The following BCS1L variants were observed in gnomAD, a reference collection of about 807,000 sequenced individuals.
BCS1L encodes the protein BCS1 ubiquinol-cytochrome c reductase complex chaperone.
A neutral mutation model predicts 49.3 loss-of-function variants in BCS1L; 38 were observed. The observed-to-expected ratio is 0.77, with a 90% confidence interval of 0.59 to 1.01. BCS1L has a LOEUF of 1.01. Among genes scored for constraint, BCS1L ranks in the 50% least tolerant of loss-of-function variants. The pLI, the probability that BCS1L is intolerant of heterozygous loss-of-function variation, is 0.00. For missense variants in BCS1L, 394 were observed against 540.2 expected, an observed-to-expected ratio of 0.73 and a Z score of 2.68; for synonymous variants, 193 against 210.1, an observed-to-expected ratio of 0.92 and a Z score of 0.70.
In BCS1L at chr2:218,661,438, G is replaced by T; in HGVS notation, c.353G>T (p.Ser118Ile). ...YRGKWIRVER[S>I]REMQMIDLQT... The stretch of plus-strand genomic sequence containing the variant: ...GGGAAATGGATTCGGGTAGAACGAA[G>T]TCGAGAGATGCAGATGATAGACTTG... The change falls in exon 3 of 8, where the codon AGT becomes ATT. Residue 118 changes from serine to isoleucine, a missense_variant. Transcript: ENST00000359273. The surrounding 1 kb of genome is among the most constrained non-coding windows in gnomAD (Gnocchi z 5.9). 6.2e-7 allele frequency: 1 copy of T among 1,614,242 alleles called. No homozygotes were observed. The highest frequency in any genetic ancestry group is 8.5e-7 in the Non-Finnish European group (1 of 1,180,048).
At position 218,662,383 on chromosome 2, in the gene BCS1L, G is replaced by A; in HGVS notation, c.719+123G>A. The A allele has an allele frequency of 1.3e-6, 2 of 1,482,846 alleles. No individual in the cohort carries two copies. The highest frequency in any genetic ancestry group is 1.9e-6 in the Non-Finnish European group (2 of 1,064,134). The allele number at this position is 1,482,846 out of a possible 1,614,324, so 91.9% of individuals were successfully genotyped here. ...GACCAGGATAAACATGAAACGTGTG[G>A]AACATCAGGGTGTGAGGTAGAAGTC... On this transcript the variant is annotated intron_variant, in intron 5 of 7. Transcript: ENST00000359273. The surrounding 1 kb of genome is among the most constrained non-coding windows in gnomAD (Gnocchi z 5.8).
rs749196764 is a variant in BCS1L, at chr2:218,661,232, C to A, written c.245C>A (p.Ser82Ter). 1 of 1,614,226 alleles carries A rather than the reference C, an allele frequency of 6.2e-7. No homozygotes were observed. The change falls in exon 2 of 8, where the codon TCG (serine) becomes TAG (stop). Residue 82 changes from serine (S) to a stop codon, truncating the protein, a stop_gained. Transcript: ENST00000359273. LOFTEE classifies it high-confidence loss of function. This position sits in a 1 kb window ranked among gnomAD's most constrained non-coding sequence, Gnocchi z 5.9. ...TRTQHLSVET[S>*]YLQHESGRIS... ...ACTCAGCACCTCAGTGTCGAGACTTCGTACCTTCAGCATGAGAGTGGCCGC... is the reference window on the plus strand; with the variant it reads ...ACTCAGCACCTCAGTGTCGAGACTTAGTACCTTCAGCATGAGAGTGGCCGC...
chr2:218,660,119 G>T (rs1939180409), intron 1 of BCS1L: 1 of 152,296 alleles, frequency 6.6e-6, no homozygotes, highest in South Asian at 2.1e-4. Context: ...AGGGAGAAAA[G>T]AACGGGCATT....
At position 218,660,950 on chromosome 2, in the gene BCS1L, A is replaced by AC. The variant is rs751940444; in HGVS notation, c.-34dup. 1.2e-6 allele frequency: 2 copies of AC among 1,610,054 alleles called. No individual in the cohort carries two copies. The highest frequency in any genetic ancestry group is 1.7e-6 in the Non-Finnish European group (2 of 1,178,294). ...TTCCCCACCCCTAGGTTTTCGTAACACCCCAGGGCCTGTAAGGTTTGGTGT... is the reference window on the plus strand; with the variant it reads ...TTCCCCACCCCTAGGTTTTCGTAACACCCCCAGGGCCTGTAAGGTTTGGTGT... On this transcript the variant is annotated 5_prime_UTR_variant, in exon 2 of 8. Coordinates refer to ENST00000359273, the MANE Select transcript of BCS1L (RefSeq NM_001079866.2).
chr2:218,662,959 C>A lies in BCS1L; in HGVS notation c.966C>A (p.Thr322=). ...ATGCCTTGGATGGTGTGGCTTCCAC[C>A]GAGGCCCGCATCGTGTTCATGACCA... The part of the protein sequence containing the change: ...LLNALDGVAS[T]EARIVFMTTN... The change falls in exon 7 of 8, where the codon ACC becomes ACA. Residue 322 remains threonine (T), a synonymous_variant. Transcript: ENST00000359273. The surrounding 1 kb of genome is among the most constrained non-coding windows in gnomAD (Gnocchi z 5.8). The A allele has an allele frequency of 3.1e-6, 5 of 1,614,060 alleles. No individual in the cohort carries two copies. Among genetic ancestry groups the A allele is most frequent in the Non-Finnish European group, 4.2e-6 (5 of 1,180,008 alleles).
chr2:218,663,023 G>A (rs1243772522), intron 7 of BCS1L, 23 bp downstream of exon 7: 2 of 1,613,952 alleles, frequency 1.2e-6, no homozygotes, highest in Admixed American at 3.3e-5. Flanking sequence ...CAGGCATCCT[G>A]AGACTTAGGC....
rs375876694 is a variant in BCS1L at position 218,661,816 on chromosome 2, G to A, written c.518G>A (p.Gly173Asp). 6.4e-5 allele frequency: 103 copies of A among 1,614,082 alleles called. No individual in the cohort carries two copies. The highest frequency in any genetic ancestry group is 8.6e-5 in the Non-Finnish European group (101 of 1,180,014). The change falls in exon 4 of 8, where the codon GGC (glycine) becomes GAC (aspartate). Residue 173 changes from glycine (G) to aspartate (D), a missense_variant. Physicochemically the swap from Gly to Asp is moderately conservative, Grantham distance 94 (BLOSUM62 -1). Coordinates refer to ENST00000359273, the MANE Select transcript of BCS1L (RefSeq NM_001079866.2). This position sits in a 1 kb window ranked among gnomAD's most constrained non-coding sequence, Gnocchi z 5.9. ...AAGACCGTGATGTACACAGCTGTGG[G>A]CTCTGAATGGCGTCCCTTTGGCTAT... ...EGKTVMYTAV[G>D]SEWRPFGYPR... is the part of the protein sequence containing the mutation.
In BCS1L at chr2:218,662,010, G is replaced by C. The variant is rs1203279852; in HGVS notation, c.655+57G>C. On this transcript the variant is annotated intron_variant, in intron 4 of 7. Transcript: ENST00000359273. This position sits in a 1 kb window ranked among gnomAD's most constrained non-coding sequence, Gnocchi z 5.8. ...TTTTTGACATTTTTAGAAGGGACAG[G>C]TTGGTCTCCAGCCAGATGGGGTGAT... The C allele has an allele frequency of 2.5e-6, 4 of 1,582,860 alleles. No individual in the cohort carries two copies. The highest frequency in any genetic ancestry group is 2.6e-6 in the Non-Finnish European group (3 of 1,154,828).
intron 1 of BCS1L, chr2:218,660,736 T>C (rs1434156275): frequency 3.9e-6 from 2 of 514,072 alleles, no homozygotes; most frequent in East Asian, 6.7e-5. Flanking sequence ...CATGGTCCTC[T>C]GGTAGGAAAC....
At chr2:218,660,698 G>A (rs1939273387) in intron 1 of BCS1L, 1 of 417,920 alleles carries the variant, frequency 2.4e-6, no homozygotes, top group East Asian at 4.6e-5. Flanking sequence ...TGTTTATATA[G>A]CTCTTTTTGG....
Position 218,662,659 on chromosome 2 carries a change from G to A in BCS1L, c.869G>A (p.Ser290Asn), listed in dbSNP as rs1400743368. The change falls in exon 6 of 8, where the codon AGT becomes AAT. Residue 290 changes from serine (S) to asparagine (N), a missense_variant. Physicochemically the swap from Ser to Asn is conservative, Grantham distance 46. Transcript: ENST00000359273. This position sits in a 1 kb window ranked among gnomAD's most constrained non-coding sequence, Gnocchi z 5.8. ...GAGGATGTGGATGCTGCTTTTCTCA[G>A]TCGAGACTTGGCTGTGGAGAGTAAG... Reference protein sequence around the residue: ...LLEDVDAAFLSRDLAVENPVK... With the variant: ...LLEDVDAAFLNRDLAVENPVK... The A allele has an allele frequency of 1.5e-5, 25 of 1,614,046 alleles. 1 individual carries two copies. The East Asian group carries it at 5.6e-4, about 36-fold the overall frequency.
In BCS1L at chr2:218,661,566, G is replaced by A; in HGVS notation, c.460+21G>A. On this transcript the variant is annotated intron_variant, in intron 3 of 7. Coordinates refer to ENST00000359273, the MANE Select transcript of BCS1L (RefSeq NM_001079866.2). The surrounding 1 kb of genome is among the most constrained non-coding windows in gnomAD (Gnocchi z 5.9). ...GGAAGGTGTGGGATGGCACAGGCAG[G>A]CTTTCTAGGGACATTGCAGGGATGG... 1 of 1,613,866 alleles carries A rather than the reference G, an allele frequency of 6.2e-7. No individual in the cohort carries two copies. Among genetic ancestry groups the A allele is most frequent in the Non-Finnish European group, 8.5e-7 (1 of 1,179,952 alleles).
Position 218,662,261 on chromosome 2 carries a change from G to T in BCS1L, c.719+1G>T, listed in dbSNP as rs778285598. On this transcript the variant is annotated splice_donor_variant, in intron 5 of 7. Coordinates refer to ENST00000359273, the MANE Select transcript of BCS1L (RefSeq NM_001079866.2). LOFTEE classifies it high-confidence loss of function. The surrounding 1 kb of genome is among the most constrained non-coding windows in gnomAD (Gnocchi z 5.8). Reference sequence around the variant, plus strand: ...CTGGTTGCGGAAAGAGCAGTTTTATGTGAGTATTCAAAATTTCTCTCAACT... The same window carrying T: ...CTGGTTGCGGAAAGAGCAGTTTTATTTGAGTATTCAAAATTTCTCTCAACT... The T allele has an allele frequency of 6.2e-7, 1 of 1,613,694 alleles. No individual in the cohort carries two copies.
chr2:218,661,715 T>C lies in BCS1L; in HGVS notation c.461-44T>C. The C allele has an allele frequency of 6.2e-7, 1 of 1,600,370 alleles. No individual in the cohort carries two copies. Among genetic ancestry groups the C allele is most frequent in the Non-Finnish European group, 8.5e-7 (1 of 1,171,784 alleles). The stretch of plus-strand genomic sequence containing the variant: ...CTCCACCTAATTGAAGAATCAGCCA[T>C]GGTGAAGAGAATTATTGGCTTTATC... On this transcript the variant is annotated intron_variant, in intron 3 of 7. Transcript: ENST00000359273. This position sits in a 1 kb window ranked among gnomAD's most constrained non-coding sequence, Gnocchi z 5.9.
Position 218,662,897 on chromosome 2 carries a change from C to T in BCS1L, c.904C>T (p.Gln302Ter). Residue 302 changes from glutamine to a stop codon, truncating the protein, a stop_gained, in exon 7 of 8, where the codon CAA (glutamine) becomes TAA (stop). Transcript: ENST00000359273. LOFTEE classifies it high-confidence loss of function. This position sits in a 1 kb window ranked among gnomAD's most constrained non-coding sequence, Gnocchi z 5.8. ...DLAVENPVKYQGLGRLTFSGL... is the reference protein window; with the variant it reads ...DLAVENPVKY ...CCTTCCTCCAGACCCAGTAAAGTACCAAGGCCTAGGTCGCCTCACCTTCAG... is the reference window on the plus strand; with the variant it reads ...CCTTCCTCCAGACCCAGTAAAGTACTAAGGCCTAGGTCGCCTCACCTTCAG... 6.2e-7 allele frequency: 1 copy of T among 1,614,124 alleles called. No homozygotes were observed. Among genetic ancestry groups the T allele is most frequent in the Non-Finnish European group, 8.5e-7 (1 of 1,180,006 alleles).
In BCS1L at chr2:218,662,192, C is replaced by T. The variant is rs576259405; in HGVS notation, c.656-5C>T. ...AAGACATGATCATCCTGGCTCTATC[C>T]CTAGGCATTCCTTACAGACGTGGCT... is the stretch of plus-strand genomic sequence containing the variant. On this transcript the variant is annotated splice_region_variant and splice_polypyrimidine_tract_variant and intron_variant, in intron 4 of 7. Transcript: ENST00000359273. The surrounding 1 kb of genome is among the most constrained non-coding windows in gnomAD (Gnocchi z 5.8). 32 of 1,613,832 alleles carry T rather than the reference C, an allele frequency of 2.0e-5. No homozygotes were observed. In the South Asian group the frequency reaches 3.1e-4, roughly 16 times the overall value.
In BCS1L at chr2:218,662,382, G is replaced by A; in HGVS notation, c.719+122G>A. 1 of 1,480,098 alleles carries A rather than the reference G, an allele frequency of 6.8e-7. No homozygotes were observed. Among genetic ancestry groups the A allele is most frequent in the South Asian group, 1.1e-5 (1 of 88,034 alleles). 91.7% of individuals were successfully genotyped at this position (1,480,098 alleles called of 1,614,324 possible). A position where few individuals can be genotyped will look rare whatever the true frequency, so the allele number is the denominator to read the frequency against. On this transcript the variant is annotated intron_variant, in intron 5 of 7. Transcript: ENST00000359273. The surrounding 1 kb of genome is among the most constrained non-coding windows in gnomAD (Gnocchi z 5.8). ...GGACCAGGATAAACATGAAACGTGTGGAACATCAGGGTGTGAGGTAGAAGT... is the reference window on the plus strand; with the variant it reads ...GGACCAGGATAAACATGAAACGTGTAGAACATCAGGGTGTGAGGTAGAAGT...
Position 218,662,567 on chromosome 2 carries a change from C to T in BCS1L, c.777C>T (p.Ser259=). The part of the protein sequence containing the change: ...HSICLLSLTD[S]SLSDDRLNHL... ...TCTGCCTGCTGAGCCTCACGGACTC[C>T]AGCCTCTCTGATGACCGACTCAACC... Residue 259 remains serine (S), a synonymous_variant, in exon 6 of 8, where the codon TCC becomes TCT. Coordinates refer to ENST00000359273, the MANE Select transcript of BCS1L (RefSeq NM_001079866.2). This position sits in a 1 kb window ranked among gnomAD's most constrained non-coding sequence, Gnocchi z 5.8. 2 of 1,614,216 alleles carry T rather than the reference C, an allele frequency of 1.2e-6. No individual in the cohort carries two copies. The highest frequency in any genetic ancestry group is 1.7e-6 in the Non-Finnish European group (2 of 1,180,046).
chr2:218,661,169 C>T lies in BCS1L; in HGVS notation c.182C>T (p.Ala61Val). 6.2e-7 allele frequency: 1 copy of T among 1,614,188 alleles called. No homozygotes were observed. Among genetic ancestry groups the T allele is most frequent in the Non-Finnish European group, 8.5e-7 (1 of 1,180,026 alleles). Residue 61 changes from alanine (A) to valine (V), a missense_variant, in exon 2 of 8, where the codon GCC becomes GTC. Coordinates refer to ENST00000359273, the MANE Select transcript of BCS1L (RefSeq NM_001079866.2). This position sits in a 1 kb window ranked among gnomAD's most constrained non-coding sequence, Gnocchi z 5.9. ...LEVPARDRSY[A>V]WLLSWLTRHS... ...GTCCCTGCTCGAGACAGGAGCTATG[C>T]CTGGTTGCTTAGCTGGCTCACCCGC...
Sources: gnomAD v4.1 joint callset for allele counts on GRCh38, gnomAD v4.1.1 for gene constraint, Gnocchi (gnomAD v3.1) non-coding constraint, MANE v1.5 for transcripts, NCBI Gene and HGNC (gene_info 2026-07-23, HGNC 2026-07-21) for gene names.